The following TTC23 variants were observed in gnomAD, a reference collection of about 807,000 sequenced individuals.
The protein encoded by TTC23 is tetratricopeptide repeat protein 23.
In TTC23, 58 loss-of-function variants were observed where a neutral mutation model predicts 55.1. That is an observed-to-expected ratio of 1.05 (90% CI 0.85 to 1.31). The LOEUF (loss-of-function observed/expected upper bound fraction) is 1.31. Among genes scored for constraint, TTC23 ranks in the 50% most tolerant of loss-of-function variants. TTC23 has a pLI of 0.00. For synonymous variants in TTC23, 203 were observed against 199.9 expected, an observed-to-expected ratio of 1.02 and a Z score of -0.13; for missense variants, 516 against 534.4, an observed-to-expected ratio of 0.97 and a Z score of 0.34.
intron 9 of TTC23, among the ~76,000 whole-genome samples, chr15:99,189,663 T>C (rs1340999436): frequency 6.6e-6 from 1 of 152,066 alleles, no homozygotes; most frequent in African/African-American, 2.4e-5. Flanking sequence ...AAACCCAAAC[T>C]AAGGAACAGT....
chr15:99,165,414 C>T (rs946016844), intron 10 of TTC23, among the ~76,000 whole-genome samples: 2 of 152,222 alleles, frequency 1.3e-5, no homozygotes, highest in Non-Finnish European at 2.9e-5. Flanking sequence ...GACGTAAACA[C>T]TTTGGAAATA....
At chr15:99,155,520 T>C (rs2070418881) in intron 12 of TTC23, 2 of 152,106 alleles carry the variant, frequency 1.3e-5, no homozygotes, top group Admixed American at 1.3e-4. Context: ...CCATAAGGGG[T>C]GTCTACTCCT....
intron 9 of TTC23, among the ~76,000 whole-genome samples, chr15:99,183,156 A>AGGT (rs1366393445): frequency 6.6e-6 from 1 of 152,152 alleles, no homozygotes; most frequent in Non-Finnish European, 1.5e-5. Context: ...GTCCACGCTG[A>AGGT]GGTGGTCTCA....
intron 9 of TTC23, among the ~76,000 whole-genome samples, chr15:99,192,615 C>T (rs1041351676): frequency 1.3e-5 from 2 of 152,158 alleles, no homozygotes; most frequent in Non-Finnish European, 2.9e-5. Context: ...GCCTGGATGC[C>T]CAAGCAGAAG....
intron 6 of TTC23, among the ~76,000 whole-genome samples, chr15:99,219,739 G>A (rs183507307): frequency 6.6e-6 from 1 of 152,092 alleles, no homozygotes; most frequent in Non-Finnish European, 1.5e-5. Flanking sequence ...CACGGCTTCA[G>A]GGCTTTGCAC....
intron 12 of TTC23, among the ~76,000 whole-genome samples, chr15:99,142,116 A>G (rs1284993700): frequency 6.6e-6 from 1 of 152,134 alleles, no homozygotes; most frequent in Non-Finnish European, 1.5e-5. Context: ...AACTTTGACT[A>G]AGCTCCGTTG....
intron 5 of TTC23, among the ~76,000 whole-genome samples, chr15:99,227,309 C>A (rs2078533899): frequency 6.6e-6 from 1 of 152,178 alleles, no homozygotes; most frequent in Admixed American, 6.5e-5. Flanking sequence ...TCTCACATCT[C>A]CATTCCCTAT....
At chr15:99,157,840 C>T (rs1237036354) in intron 11 of TTC23, 2 of 152,208 alleles carry the variant, frequency 1.3e-5, no homozygotes, top group East Asian at 1.9e-4. Flanking sequence ...TGTCAATCCT[C>T]CATACTTTCT....
chr15:99,219,209 A>G (rs1169854356), intron 6 of TTC23, among the ~76,000 whole-genome samples, 161 bp from the exon 7 acceptor site: 1 of 152,218 alleles, frequency 6.6e-6, no homozygotes, highest in Non-Finnish European at 1.5e-5. Flanking sequence ...TGACTGTAAC[A>G]ACCAAAGAAG....
intron 5 of TTC23, among the ~76,000 whole-genome samples, chr15:99,227,790 G>A (rs62025697): frequency 0.39 from 59,763 of 152,020 alleles, 11,844 homozygotes; most frequent in Middle Eastern, 0.57. Flanking sequence ...AGAACATTTG[G>A]TCCTCTTCCT....
At chr15:99,170,754 G>A (rs2072812451) in intron 10 of TTC23, among the ~76,000 whole-genome samples, 1 of 152,240 alleles carries the variant, frequency 6.6e-6, no homozygotes, top group South Asian at 2.1e-4. Flanking sequence ...CACGTGAGGG[G>A]ACAGCAGAGA....
At chr15:99,198,771 T>C (rs1404965719) in intron 9 of TTC23, among the ~76,000 whole-genome samples, 1 of 152,150 alleles carries the variant, frequency 6.6e-6, no homozygotes, top group Non-Finnish European at 1.5e-5. Context: ...TAACAAACTG[T>C]GAGTAGGAGT....
At chr15:99,142,871 G>C (rs2068405759) in intron 12 of TTC23, among the ~76,000 whole-genome samples, 1 of 152,278 alleles carries the variant, frequency 6.6e-6, no homozygotes, top group Non-Finnish European at 1.5e-5. Context: ...AGAAGATTCT[G>C]GTTGGGTCAA....
At chr15:99,238,557 A>T (rs2079514720) in intron 3 of TTC23, among the ~76,000 whole-genome samples, 1 of 152,180 alleles carries the variant, frequency 6.6e-6, no homozygotes. Context: ...AAGCAGAGTG[A>T]ATAATTACAA....
At chr15:99,228,808 T>C (rs2078682931) in intron 4 of TTC23, 76 bp from the exon 5 acceptor site, 3 of 1,182,804 alleles carry the variant, frequency 2.5e-6, no homozygotes, top group Admixed American at 5.5e-5. Flanking sequence ...ATTTCAACAC[T>C]ATACCCATAA....
At chr15:99,140,944 AAGATATAAAC>A (rs1191762530) in intron 12 of TTC23, 6 of 152,200 alleles carry the variant, frequency 3.9e-5, no homozygotes, top group Non-Finnish European at 8.8e-5. Flanking sequence ...TAACACTCAA[AAGATATAAAC>A]AGATTATTCA....
chr15:99,196,147 G>C (rs2075686312), intron 9 of TTC23, among the ~76,000 whole-genome samples: 1 of 141,352 alleles, frequency 7.1e-6, no homozygotes, highest in Non-Finnish European at 1.5e-5. Flanking sequence ...GCGAGACTCT[G>C]TCTCAAAAAA....
intron 9 of TTC23, among the ~76,000 whole-genome samples, chr15:99,182,475 C>T (rs892575934): frequency 2.5e-4 from 38 of 152,236 alleles, no homozygotes; most frequent in African/African-American, 9.1e-4. Flanking sequence ...CTGTCTTGTG[C>T]ATGTTTCTAC....
intron 9 of TTC23, among the ~76,000 whole-genome samples, chr15:99,193,420 GAGTA>G (rs1483278514): frequency 2.0e-5 from 3 of 152,108 alleles, no homozygotes; most frequent in African/African-American, 7.2e-5. Context: ...TTGTGATAGT[GAGTA>G]AGTCTCATGA....
Sources: gnomAD v4.1 joint callset for allele counts (sites outside exome capture counted in the v4.1 genomes callset) on GRCh38, gnomAD v4.1.1 for gene constraint, MANE v1.5 for transcripts, NCBI Gene and HGNC (gene_info 2026-07-23, HGNC 2026-07-21) for gene names.